The following ATP13A5 variants were observed in gnomAD, a reference collection of about 807,000 sequenced individuals.
ATP13A5 encodes the protein probable cation-transporting ATPase 13A5.
ATP13A5 carries 149 observed loss-of-function variants against 150.2 expected under a neutral mutation model. The ratio of observed to expected loss-of-function variants is 0.99; its 90% CI spans 0.87 to 1.14. ATP13A5 has a LOEUF of 1.14. Among genes scored for constraint, ATP13A5 ranks in the 50% most tolerant of loss-of-function variants. ATP13A5 has a pLI of 0.00. For missense variants in ATP13A5, 1,383 were observed against 1,449.3 expected (o/e 0.95, Z 0.74); for synonymous variants, 497 against 522.2 (o/e 0.95, Z 0.66).
chr3:193,344,743 A>G (rs965188909), intron 8 of ATP13A5, among the ~76,000 whole-genome samples: 5 of 152,142 alleles, frequency 3.3e-5, no homozygotes, highest in African/African-American at 1.2e-4. Flanking sequence ...GGCTTGGGTG[A>G]GGGTAAGGCA....
At chr3:193,331,463 C>T (rs554399182) in intron 11 of ATP13A5, 152 bp from the exon 12 acceptor site, 2 of 670,074 alleles carry the variant, frequency 3.0e-6, no homozygotes, top group Non-Finnish European at 4.7e-6. Context: ...TTTCCTGGTT[C>T]TGTTTCCCTC....
At chr3:193,354,238 A>G (rs374619576) in intron 5 of ATP13A5, 42 bp from the exon 6 acceptor site, 17 of 1,564,068 alleles carry the variant, frequency 1.1e-5, no homozygotes, top group Non-Finnish European at 1.5e-5. Flanking sequence ...AGCTACAAGC[A>G]CATGATAAGT....
At chr3:193,325,186 C>T (rs1054998500) in intron 13 of ATP13A5, among the ~76,000 whole-genome samples, 172 bp from the exon 14 acceptor site, 1 of 152,210 alleles carries the variant, frequency 6.6e-6, no homozygotes, top group African/African-American at 2.4e-5. Flanking sequence ...TATTCAAAGT[C>T]TTGTCCACTT....
At chr3:193,345,204 T>C (rs1712289995) in intron 7 of ATP13A5, 129 bp from the exon 8 acceptor site, 2 of 821,802 alleles carry the variant, frequency 2.4e-6, no homozygotes, top group Non-Finnish European at 4.1e-6. Context: ...TCAACTTCTT[T>C]TGATGCTTCA....
At chr3:193,334,413 G>A (rs141045586) in intron 10 of ATP13A5, among the ~76,000 whole-genome samples, 8 of 152,286 alleles carry the variant, frequency 5.3e-5, no homozygotes, top group African/African-American at 1.9e-4. Flanking sequence ...AGGAGTTGGA[G>A]ATGTTATTAA....
chr3:193,337,548 T>G (rs927002518), intron 9 of ATP13A5, among the ~76,000 whole-genome samples: 1 of 152,104 alleles, frequency 6.6e-6, no homozygotes, highest in Non-Finnish European at 1.5e-5. Context: ...TGTAGATGTG[T>G]GGTATTCTTT....
chr3:193,330,758 T>C (rs1216127521), intron 12 of ATP13A5, among the ~76,000 whole-genome samples: 4 of 152,242 alleles, frequency 2.6e-5, no homozygotes, highest in Non-Finnish European at 4.4e-5. Context: ...AGGAAACAGA[T>C]TCACTTATCT....
intron 17 of ATP13A5, among the ~76,000 whole-genome samples, chr3:193,315,670 A>G (rs1352891052): frequency 6.6e-6 from 1 of 152,056 alleles, no homozygotes; most frequent in African/African-American, 2.4e-5. Flanking sequence ...AAATGGAATC[A>G]CTCTTGGGTG....
intron 5 of ATP13A5, among the ~76,000 whole-genome samples, chr3:193,358,630 C>T (rs1314510243): frequency 6.6e-6 from 1 of 152,146 alleles, no homozygotes; most frequent in Non-Finnish European, 1.5e-5. Flanking sequence ...TACATTTGTC[C>T]TCATGTGTGA....
At chr3:193,309,011 G>A (rs1470197827) in intron 21 of ATP13A5, among the ~76,000 whole-genome samples, 4 of 151,994 alleles carry the variant, frequency 2.6e-5, no homozygotes, top group African/African-American at 9.7e-5. Context: ...ACAATAAAAG[G>A]GTGTCTCCTG....
At chr3:193,345,549 G>A (rs1432634267) in intron 7 of ATP13A5, among the ~76,000 whole-genome samples, 1 of 152,122 alleles carries the variant, frequency 6.6e-6, no homozygotes, top group African/African-American at 2.4e-5. Context: ...GAAACAGCTG[G>A]ATTGGTTACA....
At chr3:193,315,181 A>C in intron 17 of ATP13A5, 85 bp from the exon 18 acceptor site, 1 of 1,373,482 alleles carries the variant, frequency 7.3e-7, no homozygotes, top group Non-Finnish European at 9.8e-7. Context: ...AAAATTTATA[A>C]GTTTTATTAA....
intron 28 of ATP13A5, among the ~76,000 whole-genome samples, chr3:193,278,018 G>C (rs1328400620): frequency 6.6e-6 from 1 of 152,092 alleles, no homozygotes; most frequent in South Asian, 2.1e-4. Context: ...TGGCCAGGCT[G>C]GTCTTGAACT....
At chr3:193,312,695 C>T (rs1033841364) in intron 19 of ATP13A5, 4 of 151,964 alleles carry the variant, frequency 2.6e-5, no homozygotes, top group Admixed American at 2.6e-4. Flanking sequence ...ACTCTAAATT[C>T]AAATATTGCA....
chr3:193,363,293 G>C lies in ATP13A5; in HGVS notation c.327C>G (p.Ser109=). Reference sequence around the variant, plus strand: ...TGACAGAGTGGCGGTCAGCCACCAGGGATTCTTCCCACTTCTTGCTTACAG... The same window carrying C: ...TGACAGAGTGGCGGTCAGCCACCAGCGATTCTTCCCACTTCTTGCTTACAG... ...KFPVSKKWEE[S]LVADRHSVIN... Residue 109 remains serine (S), a synonymous_variant, in exon 3 of 30, where the codon TCC becomes TCG. Transcript: ENST00000342358. The C allele has an allele frequency of 6.2e-7, 1 of 1,613,864 alleles. No individual in the cohort carries two copies. The highest frequency in any genetic ancestry group is 8.5e-7 in the Non-Finnish European group (1 of 1,179,840).
At chr3:193,314,221 G>C (rs760179142) in intron 18 of ATP13A5, 28 bp from the exon 19 acceptor site, 2 of 1,609,896 alleles carry the variant, frequency 1.2e-6, no homozygotes, top group South Asian at 2.2e-5. Flanking sequence ...TTTGCTTGCT[G>C]TATGTACAAA....
At position 193,319,075 on chromosome 3, in the gene ATP13A5, T is replaced by C. The variant is rs763104139; in HGVS notation, c.1949A>G (p.Tyr650Cys). 205 of 1,613,772 alleles carry C rather than the reference T, an allele frequency of 1.3e-4. No homozygotes were observed. The highest frequency in any genetic ancestry group is 1.7e-4 in the Non-Finnish European group (199 of 1,179,816). ...AATGACACGGAAGCCTTGCACCGTG[T>C]AACTCCTCAGTTCCTGTGGGAAATT... ...PKNFPQELRS[Y>C]TVQGFRVIAL... Residue 650 changes from tyrosine (Y) to cysteine (C), a missense_variant, in exon 17 of 30, where the codon TAC (tyrosine) becomes TGC (cysteine). By Grantham distance (194) the Tyr-to-Cys change is radical (BLOSUM62 -2). This residue lies in a region of ATP13A5 where 28 missense variants were observed against 55.9 expected (regional missense o/e 0.50). Coordinates refer to ENST00000342358, the MANE Select transcript of ATP13A5 (RefSeq NM_198505.4).
chr3:193,320,352 G>C (rs142868098), intron 16 of ATP13A5, among the ~76,000 whole-genome samples: 1 of 152,154 alleles, frequency 6.6e-6, no homozygotes, highest in African/African-American at 2.4e-5. Context: ...CTAAAAATGG[G>C]GTACGGTGGT....
At chr3:193,363,602 T>A (rs554565042) in intron 2 of ATP13A5, among the ~76,000 whole-genome samples, 1 of 152,294 alleles carries the variant, frequency 6.6e-6, no homozygotes, top group African/African-American at 2.4e-5. Context: ...GCCCTCCAGA[T>A]GATTCTGATA....
Sources: allele counts gnomAD v4.1 joint callset (sites outside exome capture counted in the v4.1 genomes callset), GRCh38; gene constraint gnomAD v4.1.1; regional missense constraint gnomAD v4.1.1; transcripts MANE v1.5; gene names NCBI Gene and HGNC (gene_info 2026-07-23, HGNC 2026-07-21).